CUX1: variants seen among roughly 807,000 people sequenced by gnomAD.
CUX1 encodes protein CASP.
In CUX1, 31 loss-of-function variants were observed where a neutral mutation model predicts 158.8. The ratio of observed to expected loss-of-function variants is 0.20; its 90% CI spans 0.15 to 0.26. The LOEUF (loss-of-function observed/expected upper bound fraction) is 0.26, where lower values mean the gene tolerates loss of function less well. Ranked by LOEUF, CUX1 falls within the 10% of genes least tolerant of loss-of-function variation. The pLI is 1.00. For synonymous variants in CUX1, 879 were observed against 862.1 expected (o/e 1.02, Z -0.34); for missense variants, 1,589 against 2,014.6 (o/e 0.79, Z 4.04).
chr7:102,248,847 C>T lies in CUX1; in HGVS notation c.4323C>T (p.Pro1441=). The part of the protein sequence containing the change: ...GPAAPSSAPP[P]SNSSSSSAPR... ...CGGCCCCGAGCTCCGCGCCGCCGCC[C>T]AGCAACAGCAGCAGCAGCAGCGCCC... The change falls in exon 24 of 24, where the codon CCC becomes CCT. Residue 1441 remains proline, a synonymous_variant. Transcript: ENST00000292535. This position sits in a 1 kb window ranked among gnomAD's most constrained non-coding sequence, Gnocchi z 5.8. The T allele has an allele frequency of 7.9e-7, 1 of 1,260,308 alleles. No individual in the cohort carries two copies. Among genetic ancestry groups the T allele is most frequent in the South Asian group, 2.1e-5 (1 of 48,430 alleles). The allele number at this position is 1,260,308 out of a possible 1,614,324, so 78.1% of individuals were successfully genotyped here.
chr7:102,129,744 AT>A (rs1833020227), intron 8 of CUX1, among the ~76,000 whole-genome samples: 1 of 152,142 alleles, frequency 6.6e-6, no homozygotes, highest in Non-Finnish European at 1.5e-5. Flanking sequence ...TATGTGCCAC[AT>A]TTTTGCAAGA....
At chr7:101,973,748 G>C (rs1391768102) in intron 2 of CUX1, among the ~76,000 whole-genome samples, 1 of 151,196 alleles carries the variant, frequency 6.6e-6, no homozygotes, top group South Asian at 2.1e-4. Context: ...CCTTGCCCCA[G>C]ATTCTTTTTC....
At chr7:101,849,018 G>A (rs556779374) in intron 1 of CUX1, among the ~76,000 whole-genome samples, 14 of 151,738 alleles carry the variant, frequency 9.2e-5, no homozygotes, top group South Asian at 2.1e-4. Context: ...TTTCTTGGCC[G>A]AGATCTTGAA....
intron 1 of CUX1, among the ~76,000 whole-genome samples, chr7:101,835,837 G>A (rs1794562266): frequency 6.6e-6 from 1 of 152,196 alleles, no homozygotes; most frequent in Non-Finnish European, 1.5e-5. Context: ...CCGGGTTCAA[G>A]CGATTCTCCT....
At chr7:102,239,228 G>A in intron 22 of CUX1, 92 bp from the exon 23 acceptor site, 1 of 1,425,336 alleles carries the variant, frequency 7.0e-7, no homozygotes, top group African/African-American at 1.4e-5. Flanking sequence ...AGTCCTGCAA[G>A]CCGGCACTGT....
At chr7:102,223,467 C>A (rs1389671767) in intron 20 of CUX1, among the ~76,000 whole-genome samples, 1 of 151,772 alleles carries the variant, frequency 6.6e-6, no homozygotes, top group African/African-American at 2.4e-5. Flanking sequence ...GTCAGGGTGG[C>A]GAGGGTGAGG....
intron 1 of CUX1, among the ~76,000 whole-genome samples, chr7:101,862,107 T>C (rs1052779190): frequency 1.3e-5 from 2 of 152,204 alleles, no homozygotes; most frequent in African/African-American, 4.8e-5. Context: ...AGTGTTGGGG[T>C]TACAGGCATG....
At chr7:102,211,161 A>G (rs782090195) in intron 20 of CUX1, among the ~76,000 whole-genome samples, 56 of 152,314 alleles carry the variant, frequency 3.7e-4, no homozygotes, top group Admixed American at 7.2e-4. Flanking sequence ...TAAAGCAGGC[A>G]GGGGCCAGGC....
chr7:101,958,338 T>C (rs980180794), intron 2 of CUX1, among the ~76,000 whole-genome samples: 4 of 149,510 alleles, frequency 2.7e-5, no homozygotes, highest in African/African-American at 9.9e-5. Flanking sequence ...TGGGCCCTAC[T>C]TGGGAGCCAG....
In CUX1 at chr7:102,206,304, T is replaced by C. The variant is rs181465003; in HGVS notation, c.3130+1134T>C. ...CATCTCACCCGCGCCGTGGGTCTTC[T>C]TGGCTGGACATCTAGGTGGAGCGGG... On this transcript the variant is annotated intron_variant, in intron 20 of 23. Transcript: ENST00000292535. Among the ~76,000 whole-genome samples the C allele has an allele frequency of 4.0e-4, 61 of 152,310 alleles. No individual in the cohort carries two copies. In the East Asian group the frequency reaches 0.011, roughly 27 times the overall value.
chr7:101,825,977 A>G (rs548035275), intron 1 of CUX1, among the ~76,000 whole-genome samples: 4 of 152,248 alleles, frequency 2.6e-5, no homozygotes, highest in South Asian at 4.1e-4. Context: ...TGATTTCATC[A>G]TGCCATTCCT....
At chr7:102,186,495 A>T (rs1049844668) in intron 11 of CUX1, among the ~76,000 whole-genome samples, 1 of 152,148 alleles carries the variant, frequency 6.6e-6, no homozygotes, top group African/African-American at 2.4e-5. Context: ...TCACTTAACA[A>T]TGAGGCTGTG....
intron 1 of CUX1, among the ~76,000 whole-genome samples, chr7:101,825,798 TGCGC>T (rs72447961): frequency 0.16 from 12,637 of 77,518 alleles, 765 homozygotes; most frequent in African/African-American, 0.2. Context: ...TGTGTGTGTG[TGCGC>T]GCGCGCGCGC....
intron 2 of CUX1, among the ~76,000 whole-genome samples, chr7:102,012,706 G>T (rs529612208): frequency 3.2e-5 from 2 of 62,690 alleles, no homozygotes; most frequent in African/African-American, 1.1e-4. Context: ...GAGTGGGGGC[G>T]GGGGGAGGGG....
intron 20 of CUX1, 88 bp downstream of exon 20, chr7:102,205,258 C>T (rs782123590): frequency 4.1e-5 from 39 of 959,576 alleles, no homozygotes; most frequent in Non-Finnish European, 5.6e-5. Context: ...GGCGAGACTC[C>T]GAGGGACCGC....
intron 3 of CUX1, among the ~76,000 whole-genome samples, chr7:102,058,757 CAGGT>C (rs1387982450): frequency 2.6e-5 from 4 of 152,140 alleles, no homozygotes; most frequent in African/African-American, 9.7e-5. Context: ...GTGAAAATCT[CAGGT>C]AGGCATTTAT....
intron 22 of CUX1, among the ~76,000 whole-genome samples, chr7:102,236,096 GC>G: frequency 6.6e-6 from 1 of 152,338 alleles, no homozygotes; most frequent in South Asian, 2.1e-4. Flanking sequence ...GGTGCTTCAT[GC>G]AGCCTAGCAG....
chr7:101,846,872 C>T (rs1795759178), intron 1 of CUX1, among the ~76,000 whole-genome samples: 1 of 152,042 alleles, frequency 6.6e-6, no homozygotes, highest in Non-Finnish European at 1.5e-5. Context: ...GTGGCTCATG[C>T]TGTAATCCCA....
At chr7:102,063,058 C>T (rs1825110320) in intron 3 of CUX1, among the ~76,000 whole-genome samples, 2 of 151,784 alleles carry the variant, frequency 1.3e-5, no homozygotes, top group Non-Finnish European at 2.9e-5. Context: ...GAGCCAAGAT[C>T]GCACCATTGC....
Sources: allele counts gnomAD v4.1 joint callset (sites outside exome capture counted in the v4.1 genomes callset), GRCh38; gene constraint gnomAD v4.1.1; non-coding constraint Gnocchi (gnomAD v3.1); transcripts MANE v1.5; gene names NCBI Gene and HGNC (gene_info 2026-07-23, HGNC 2026-07-21).